The following SLF2 variants were observed in gnomAD, a reference collection of about 807,000 sequenced individuals.
SLF2 encodes the protein SMC5-SMC6 complex localization factor protein 2.
Under a neutral mutation model 124.3 loss-of-function variants are expected in SLF2, and 68 were observed. The observed-to-expected ratio is 0.55, with a 90% CI of 0.45 to 0.67. SLF2 has a LOEUF of 0.67. Ranked by LOEUF, SLF2 falls within the 30% of genes least tolerant of loss-of-function variation. The pLI, the probability that SLF2 is intolerant of heterozygous loss-of-function variation, is 0.00. For missense variants in SLF2, 1,246 were observed against 1,373.7 expected (o/e 0.91, Z 1.47); for synonymous variants, 480 against 478.8 (o/e 1.00, Z -0.03).
At position 100,963,806 on chromosome 10, in the gene SLF2, T is replaced by C. The variant is rs1247217162; in HGVS notation, c.*1894T>C. 1 of 152,584 alleles carries C rather than the reference T, an allele frequency of 6.6e-6. No individual in the cohort carries two copies. Among genetic ancestry groups the C allele is most frequent in the African/African-American group, 2.4e-5 (1 of 41,430 alleles). 9.5% of individuals were successfully genotyped at this position (152,584 alleles called of 1,614,324 possible). On this transcript the variant is annotated 3_prime_UTR_variant, in exon 20 of 20. Transcript: ENST00000238961. ...TCAGGTTTTTTTTTAATGACCCTTT[T>C]GTATTGCAGTTTCAACAGATAACTG... is the stretch of plus-strand genomic sequence containing the variant.
Position 100,929,364 on chromosome 10 carries a change from G to A in SLF2, c.2090G>A (p.Arg697Gln), listed in dbSNP as rs372366331. 2.5e-5 allele frequency: 41 copies of A among 1,613,098 alleles called. No individual in the cohort carries two copies. Among genetic ancestry groups the A allele is most frequent in the East Asian group, 4.5e-5 (2 of 44,834 alleles). ...KQLQEDIRQGRGIKSPIRIGE... is the reference protein window; with the variant it reads ...KQLQEDIRQGQGIKSPIRIGE... ...CTACAAGAAGACATAAGGCAAGGCC[G>A]AGGCATTAAATCCCCAATCAGAATT... is the stretch of plus-strand genomic sequence containing the variant. The change falls in exon 7 of 20, where the codon CGA (arginine) becomes CAA (glutamine). Residue 697 changes from arginine to glutamine, a missense_variant. Physicochemically the swap from Arg to Gln is conservative, Grantham distance 43 (BLOSUM62 1). Transcript: ENST00000238961.
intron 9 of SLF2, among the ~76,000 whole-genome samples, chr10:100,932,692 AGTGTGT>A (rs111530755): frequency 0.03 from 3,944 of 133,540 alleles, 93 homozygotes; most frequent in African/African-American, 0.071. Context: ...ACAAACAATA[AGTGTGT>A]GTGTGTGTGT....
intron 12 of SLF2, among the ~76,000 whole-genome samples, chr10:100,944,508 A>AC (rs1036332137): frequency 4.0e-5 from 6 of 151,698 alleles, no homozygotes; most frequent in African/African-American, 1.5e-4. Context: ...AAAAAAAAAA[A>AC]AAAAAACTCT....
intron 6 of SLF2, among the ~76,000 whole-genome samples, chr10:100,927,565 C>T (rs1849637868): frequency 1.3e-5 from 2 of 152,150 alleles, no homozygotes; most frequent in South Asian, 4.1e-4. Context: ...ATACAAATAT[C>T]TCTTCAAGTC....
At position 100,924,980 on chromosome 10, in the gene SLF2, G is replaced by A. The variant is rs1381811055; in HGVS notation, c.1971+8G>A. The A allele has an allele frequency of 6.3e-7, 1 of 1,588,318 alleles. No individual in the cohort carries two copies. The highest frequency in any genetic ancestry group is 8.6e-7 in the Non-Finnish European group (1 of 1,168,260). On this transcript the variant is annotated splice_region_variant and intron_variant, in intron 5 of 19. Coordinates refer to ENST00000238961, the MANE Select transcript of SLF2 (RefSeq NM_018121.4). Reference sequence around the variant, plus strand: ...CAGTCATCAGACTATACAGTAAGTAGTTCTGTGACGTTTATCTTTACTTGA... The same window carrying A: ...CAGTCATCAGACTATACAGTAAGTAATTCTGTGACGTTTATCTTTACTTGA...
rs528512219 is a variant in SLF2 at position 100,919,001 on chromosome 10, C to CTTTT, written c.973+586_973+589dup. ...CCTTGGCTACATCAGGAAACATAAT[C>CTTTT]TTTTTTTTTTTTTTTTTTTTTTTTT... is the stretch of plus-strand genomic sequence containing the variant. On this transcript the variant is annotated intron_variant, in intron 4 of 19. Coordinates refer to ENST00000238961, the MANE Select transcript of SLF2 (RefSeq NM_018121.4). Among the ~76,000 whole-genome samples, 503 of 105,628 alleles carry CTTTT rather than the reference C, an allele frequency of 4.8e-3. 103 individuals are homozygous for CTTTT. The highest frequency in any genetic ancestry group is 0.014 in the African/African-American group (320 of 23,360). The allele number at this position is 105,628 out of a possible 152,430, so 69.3% of individuals were successfully genotyped here. A position where few individuals can be genotyped will look rare whatever the true frequency, so the allele number is the denominator to read the frequency against.
At chr10:100,952,638 T>C (rs1379418373) in intron 17 of SLF2, among the ~76,000 whole-genome samples, 3 of 151,792 alleles carry the variant, frequency 2.0e-5, no homozygotes, top group South Asian at 2.1e-4. Flanking sequence ...AATGCTGTTG[T>C]ATATAAAACT....
rs1849433994 is a variant in SLF2 at position 100,917,185 on chromosome 10, T to A, written c.800T>A (p.Phe267Tyr). The A allele has an allele frequency of 1.2e-6, 2 of 1,613,840 alleles. No homozygotes were observed. Among genetic ancestry groups the A allele is most frequent in the Admixed American group, 1.7e-5 (1 of 59,948 alleles). ...CAGAGAATCAACTCCGAGAATTCTT[T>A]CTCAGAAGCAAGCAGTCTTTCCTTA... ...MEQRINSENS[F>Y]SEASSLSLKS... Residue 267 changes from phenylalanine to tyrosine, a missense_variant, in exon 3 of 20, where the codon TTC becomes TAC. Phe to Tyr is a conservative substitution (Grantham distance 22). Coordinates refer to ENST00000238961, the MANE Select transcript of SLF2 (RefSeq NM_018121.4).
chr10:100,947,360 C>CT (rs1188020671), intron 14 of SLF2, among the ~76,000 whole-genome samples: 1 of 151,696 alleles, frequency 6.6e-6, no homozygotes, highest in East Asian at 1.9e-4. Context: ...GAGTCTCACT[C>CT]TGTCACCCAA....
Position 100,918,386 on chromosome 10 carries a change from A to G in SLF2, c.918A>G (p.Glu306=). The part of the protein sequence containing the change: ...IPGKNNLSNV[E]NGHLSRKRSS... The stretch of plus-strand genomic sequence containing the variant: ...ATTTTATCTCATTGTGCTCATAGGA[A>G]AATGGACATCTCTCAAGAAAAAGAT... The change falls in exon 4 of 20, where the codon GAA becomes GAG. Residue 306 remains glutamate, a splice_region_variant and synonymous_variant. Coordinates refer to ENST00000238961, the MANE Select transcript of SLF2 (RefSeq NM_018121.4). The G allele has an allele frequency of 6.3e-7, 1 of 1,591,964 alleles. No homozygotes were observed. Among genetic ancestry groups the G allele is most frequent in the Non-Finnish European group, 8.6e-7 (1 of 1,167,690 alleles).
intron 1 of SLF2, among the ~76,000 whole-genome samples, chr10:100,914,349 AT>A (rs35415591): frequency 0.43 from 65,448 of 151,792 alleles, 16,202 homozygotes; most frequent in Middle Eastern, 0.6. Context: ...AGCAGTGGAC[AT>A]TTTGTGTGCA....
In SLF2 at chr10:100,959,287, T is replaced by C. The variant is rs1255669447; in HGVS notation, c.3418-141T>C. The C allele has an allele frequency of 1.4e-5, 9 of 659,202 alleles. No homozygotes were observed. The East Asian group carries it at 2.5e-4, about 19-fold the overall frequency. The allele number at this position is 659,202 out of a possible 1,614,324, so 40.8% of individuals were successfully genotyped here. A position where few individuals can be genotyped will look rare whatever the true frequency, so the allele number is the denominator to read the frequency against. ...TCTCCTTCAAAAGATGAGTAGTTTA[T>C]TTTCTCTTTGTTGACAGAAATCAAA... On this transcript the variant is annotated intron_variant, in intron 18 of 19. Coordinates refer to ENST00000238961, the MANE Select transcript of SLF2 (RefSeq NM_018121.4).
At position 100,956,397 on chromosome 10, in the gene SLF2, G is replaced by A. The variant is rs921479933; in HGVS notation, c.3331-54G>A. On this transcript the variant is annotated intron_variant, in intron 17 of 19. Coordinates refer to ENST00000238961, the MANE Select transcript of SLF2 (RefSeq NM_018121.4). ...GTTGTTCTAGCTGCATAATTTCTTT[G>A]TTAATTTGTAATGCTTCAGAATTGT... 11 of 1,302,168 alleles carry A rather than the reference G, an allele frequency of 8.4e-6. No individual in the cohort carries two copies. The African/African-American group carries it at 1.2e-4, about 14-fold the overall frequency. The allele number at this position is 1,302,168 out of a possible 1,614,324, so 80.7% of individuals were successfully genotyped here.
rs3740480 is a variant in SLF2 at position 100,944,217 on chromosome 10, C to T, written c.2757+89C>T. ...TTTTTAAAAAAAAAAAAGTCTCGGCCGGGCGCGGTGGCTCACGCCTGTAAT... is the reference window on the plus strand; with the variant it reads ...TTTTTAAAAAAAAAAAAGTCTCGGCTGGGCGCGGTGGCTCACGCCTGTAAT... On this transcript the variant is annotated intron_variant, in intron 12 of 19. Transcript: ENST00000238961. 1,078 of 841,498 alleles carry T rather than the reference C, an allele frequency of 1.3e-3. 6 individuals are homozygous for T. The highest frequency in any genetic ancestry group is 0.012 in the East Asian group (406 of 32,636). The allele number at this position is 841,498 out of a possible 1,614,324, so 52.1% of individuals were successfully genotyped here.
chr10:100,945,565 A>G, intron 13 of SLF2, 59 bp downstream of exon 13: 1 of 1,302,098 alleles, frequency 7.7e-7, no homozygotes, highest in South Asian at 1.7e-5. Context: ...TTTGACTCAT[A>G]GTGCATATGG....
At chr10:100,928,090 AG>A (rs1415171569) in intron 6 of SLF2, among the ~76,000 whole-genome samples, 2 of 133,954 alleles carry the variant, frequency 1.5e-5, no homozygotes, top group Non-Finnish European at 3.1e-5. Flanking sequence ...AGAGAGAGAG[AG>A]AGAGAGAGAG....
At position 100,956,664 on chromosome 10, in the gene SLF2, C is replaced by A; in HGVS notation, c.3417+127C>A. 3.1e-6 allele frequency: 2 copies of A among 635,030 alleles called. 1 individual carries two copies. Among genetic ancestry groups the A allele is most frequent in the Admixed American group, 6.1e-5 (2 of 32,584 alleles). 39.3% of individuals were successfully genotyped at this position (635,030 alleles called of 1,614,324 possible). A position where few individuals can be genotyped will look rare whatever the true frequency, so the allele number is the denominator to read the frequency against. On this transcript the variant is annotated intron_variant, in intron 18 of 19. Transcript: ENST00000238961. ...ATAAGGCTAGGCATGGTGGCTCATG[C>A]CTGTAATCCCAATACTTTGGGAGGC...
At position 100,931,083 on chromosome 10, in the gene SLF2, G is replaced by T. The variant is rs1288679226; in HGVS notation, c.2436+5G>T. ...GTGTTAAAGTGGCTGTTTCGGGTAA[G>T]AGGAATGTTTAGAGGGTTATAGTTG... is the stretch of plus-strand genomic sequence containing the variant. On this transcript the variant is annotated splice_donor_5th_base_variant and intron_variant, in intron 9 of 19. Transcript: ENST00000238961. 2 of 1,606,442 alleles carry T rather than the reference G, an allele frequency of 1.2e-6. No individual in the cohort carries two copies. Among genetic ancestry groups the T allele is most frequent in the Non-Finnish European group, 1.7e-6 (2 of 1,173,942 alleles).
chr10:100,954,114 G>A (rs1192299009), intron 17 of SLF2, among the ~76,000 whole-genome samples: 1 of 151,986 alleles, frequency 6.6e-6, no homozygotes, highest in African/African-American at 2.4e-5. Flanking sequence ...AAAATTAACC[G>A]GGCATGGTGA....
Sources: gnomAD v4.1 joint callset for allele counts (sites outside exome capture counted in the v4.1 genomes callset) on GRCh38, gnomAD v4.1.1 for gene constraint, MANE v1.5 for transcripts, NCBI Gene and HGNC (gene_info 2026-07-23, HGNC 2026-07-21) for gene names.